OLFM3: variants seen among roughly 807,000 people sequenced by gnomAD.
OLFM3 encodes the protein noelin-3.
A neutral mutation model predicts 48.6 loss-of-function variants in OLFM3; 20 were observed. The ratio of observed to expected loss-of-function variants is 0.41; its 90% CI spans 0.29 to 0.60. OLFM3 has a LOEUF of 0.60. OLFM3 is among the 20% of genes least tolerant of loss of function. OLFM3 has a pLI of 0.28. For missense variants in OLFM3, 437 were observed against 544.3 expected, an observed-to-expected ratio of 0.80 and a Z score of 1.96; for synonymous variants, 222 against 198.1, an observed-to-expected ratio of 1.12 and a Z score of -1.01.
chr1:101,894,241 C>T (rs891264577), intron 1 of OLFM3, among the ~76,000 whole-genome samples: 1 of 152,110 alleles, frequency 6.6e-6, no homozygotes, highest in Admixed American at 6.6e-5. Context: ...GGCCAACAAA[C>T]CTCTCTCCAC....
intron 1 of OLFM3, among the ~76,000 whole-genome samples, chr1:101,876,475 A>C (rs1209535772): frequency 6.6e-6 from 1 of 152,028 alleles, no homozygotes; most frequent in Non-Finnish European, 1.5e-5. Flanking sequence ...CTCTGGGATG[A>C]AGAATGTCTA....
intron 1 of OLFM3, among the ~76,000 whole-genome samples, chr1:101,839,383 T>C (rs1052071608): frequency 6.6e-6 from 1 of 152,168 alleles, no homozygotes; most frequent in Admixed American, 6.5e-5. Flanking sequence ...AGAATGGAAA[T>C]AGAAACAGCT....
At chr1:101,937,052 T>C (rs1659643530) in intron 1 of OLFM3, among the ~76,000 whole-genome samples, 2 of 152,174 alleles carry the variant, frequency 1.3e-5, no homozygotes, top group Middle Eastern at 3.2e-3. Context: ...ACATAGGCCC[T>C]GACAAAGATT....
intron 1 of OLFM3, among the ~76,000 whole-genome samples, chr1:101,993,447 G>A (rs1661471168): frequency 6.6e-6 from 1 of 151,958 alleles, no homozygotes; most frequent in African/African-American, 2.4e-5. Context: ...CTATAAAATT[G>A]AGCAATAATT....
chr1:101,947,990 T>C (rs1660011375), intron 1 of OLFM3, among the ~76,000 whole-genome samples: 2 of 152,156 alleles, frequency 1.3e-5, no homozygotes, highest in South Asian at 4.1e-4. Context: ...ACCAGTGTGT[T>C]TGGGAAATCT....
intron 1 of OLFM3, among the ~76,000 whole-genome samples, chr1:101,950,709 G>T (rs545035088): frequency 2.4e-4 from 37 of 152,240 alleles, no homozygotes; most frequent in African/African-American, 7.9e-4. Flanking sequence ...CTCCCAAAGT[G>T]CTGGGATTAC....
chr1:101,973,883 A>T (rs1189533735), intron 1 of OLFM3, among the ~76,000 whole-genome samples: 1 of 152,198 alleles, frequency 6.6e-6, no homozygotes, highest in East Asian at 1.9e-4. Flanking sequence ...CAGTTTTGAT[A>T]AAAAGAGCAG....
chr1:101,969,314 AT>A lies in OLFM3; in HGVS notation c.69+27433del, dbSNP rs36019509. On this transcript the variant is annotated intron_variant, in intron 1 of 5. Coordinates refer to ENST00000370103, the MANE Select transcript of OLFM3 (RefSeq NM_058170.4). ...CAGGCATGCAACACCACGCCTGGCTATTTTTTTTTTTTTTTGGTATTTTTGT... is the reference window on the plus strand; with the variant it reads ...CAGGCATGCAACACCACGCCTGGCTATTTTTTTTTTTTTTGGTATTTTTGT... 8.7e-3 allele frequency among the ~76,000 whole-genome samples: 1,223 copies of A among 141,372 alleles called. 21 individuals carry two copies. Among genetic ancestry groups the A allele is most frequent in the African/African-American group, 0.029 (1,118 of 38,204 alleles). 92.7% of individuals were successfully genotyped at this position (141,372 alleles called of 152,430 possible).
At chr1:101,928,606 C>A (rs1659349844) in intron 1 of OLFM3, among the ~76,000 whole-genome samples, 1 of 152,056 alleles carries the variant, frequency 6.6e-6, no homozygotes, top group Non-Finnish European at 1.5e-5. Context: ...TCCTGGTGAA[C>A]AAAATAAAGT....
chr1:101,961,353 AATAG>A (rs1218946331), intron 1 of OLFM3, among the ~76,000 whole-genome samples: 2 of 152,082 alleles, frequency 1.3e-5, no homozygotes, highest in African/African-American at 2.4e-5. Flanking sequence ...ACATATTTAA[AATAG>A]ATACTGTATT....
chr1:101,860,581 A>T (rs1291641654), intron 1 of OLFM3, among the ~76,000 whole-genome samples: 3 of 152,066 alleles, frequency 2.0e-5, no homozygotes, highest in Non-Finnish European at 4.4e-5. Context: ...CAATCGTTAA[A>T]GAATGTATAC....
chr1:101,957,904 G>T (rs987155688), intron 1 of OLFM3, among the ~76,000 whole-genome samples: 1 of 152,058 alleles, frequency 6.6e-6, no homozygotes. Flanking sequence ...AAGGGATAGG[G>T]AGGGTGATAA....
At chr1:101,890,311 C>T (rs1474682730) in intron 1 of OLFM3, among the ~76,000 whole-genome samples, 1 of 151,658 alleles carries the variant, frequency 6.6e-6, no homozygotes, top group African/African-American at 2.4e-5. Context: ...TCTTTGTGTA[C>T]AAGTAATAAT....
intron 1 of OLFM3, among the ~76,000 whole-genome samples, chr1:101,884,502 A>G (rs923922632): frequency 6.6e-6 from 1 of 151,702 alleles, no homozygotes; most frequent in Non-Finnish European, 1.5e-5. Flanking sequence ...AAACAAACAA[A>G]CAAAAAAAAA....
Position 101,885,835 on chromosome 1 carries a change from A to G in OLFM3, c.70-48810T>C, listed in dbSNP as rs551206540. Among the ~76,000 whole-genome samples, 7 of 152,194 alleles carry G rather than the reference A, an allele frequency of 4.6e-5. No individual in the cohort carries two copies. The East Asian group carries it at 1.2e-3, about 25-fold the overall frequency. On this transcript the variant is annotated intron_variant, in intron 1 of 5. Coordinates refer to ENST00000370103, the MANE Select transcript of OLFM3 (RefSeq NM_058170.4). ...AGGCTAATGTGCCAATCAATGCTTT[A>G]TGCTATTGGTACATCTTCCAGTCAA... is the stretch of plus-strand genomic sequence containing the variant.
At chr1:101,821,797 C>A (rs1375476956) in intron 4 of OLFM3, among the ~76,000 whole-genome samples, 1 of 152,030 alleles carries the variant, frequency 6.6e-6, no homozygotes, top group Non-Finnish European at 1.5e-5. Context: ...TAGCAACCAT[C>A]TCATTAAATA....
chr1:101,947,646 T>C (rs1057370882), intron 1 of OLFM3, among the ~76,000 whole-genome samples: 2 of 152,126 alleles, frequency 1.3e-5, no homozygotes, highest in Non-Finnish European at 2.9e-5. Flanking sequence ...AAGTGTAGTA[T>C]AGAATTAAGT....
intron 1 of OLFM3, among the ~76,000 whole-genome samples, chr1:101,912,161 A>G (rs1020480277): frequency 1.3e-5 from 2 of 152,148 alleles, no homozygotes; most frequent in Non-Finnish European, 2.9e-5. Context: ...TCTTGGCTCT[A>G]TCAATCACAT....
chr1:101,986,563 G>T (rs1046718745), intron 1 of OLFM3, among the ~76,000 whole-genome samples: 1 of 152,128 alleles, frequency 6.6e-6, no homozygotes, highest in East Asian at 1.9e-4. Context: ...CATTTTGTAT[G>T]CTAAATTAAT....
Sources: allele counts gnomAD v4.1 joint callset (sites outside exome capture counted in the v4.1 genomes callset), GRCh38; gene constraint gnomAD v4.1.1; transcripts MANE v1.5; gene names NCBI Gene and HGNC (gene_info 2026-07-23, HGNC 2026-07-21).